Variants in SSH1 observed in about 807,000 individuals in gnomAD.
The protein encoded by SSH1 is protein phosphatase Slingshot homolog 1.
A neutral mutation model predicts 79.7 loss-of-function variants in SSH1; 43 were observed. The ratio of observed to expected loss-of-function variants is 0.54; its 90% CI spans 0.42 to 0.70. SSH1 has a LOEUF of 0.70. Ranked by LOEUF, SSH1 falls within the 30% of genes least tolerant of loss-of-function variation. The pLI is 0.00. For missense variants in SSH1, 1,206 were observed against 1,358.8 expected, an observed-to-expected ratio of 0.89 and a Z score of 1.77; for synonymous variants, 599 against 538.3, an observed-to-expected ratio of 1.11 and a Z score of -1.56.
intron 8 of SSH1, among the ~76,000 whole-genome samples, chr12:108,806,773 C>T (rs748321354): frequency 6.6e-5 from 10 of 152,228 alleles, no homozygotes; most frequent in Non-Finnish European, 1.3e-4. Flanking sequence ...GGCCCAGCTG[C>T]AGCAGATCCC....
chr12:108,826,411 A>C (rs945534800), intron 2 of SSH1: 3 of 293,058 alleles, frequency 1.0e-5, no homozygotes, highest in Non-Finnish European at 2.0e-5. Flanking sequence ...TTACTGTAAA[A>C]AGCAAGACTG....
At chr12:108,831,804 T>C (rs2038480499) in intron 2 of SSH1, among the ~76,000 whole-genome samples, 1 of 152,220 alleles carries the variant, frequency 6.6e-6, no homozygotes, top group East Asian at 1.9e-4. Flanking sequence ...AATTGTGCTT[T>C]ATATATCAGT....
intron 6 of SSH1, 116 bp from the exon 7 acceptor site, chr12:108,809,874 A>C: frequency 1.4e-5 from 12 of 857,412 alleles, no homozygotes; most frequent in East Asian, 2.4e-5. Context: ...AGCACATCTC[A>C]GGCCACATGA....
intron 2 of SSH1, among the ~76,000 whole-genome samples, chr12:108,834,545 A>G (rs938823049): frequency 6.6e-6 from 1 of 151,950 alleles, no homozygotes; most frequent in Admixed American, 6.6e-5. Context: ...GGGATGCTGA[A>G]CTCTTTGAAT....
chr12:108,811,721 G>A lies in SSH1; in HGVS notation c.402-393C>T, dbSNP rs868640761. The A allele has an allele frequency of 1.3e-4, 43 of 331,366 alleles. No homozygotes were observed. The Middle Eastern group carries it at 6.2e-3, about 48-fold the overall frequency. The allele number at this position is 331,366 out of a possible 1,614,324, so 20.5% of individuals were successfully genotyped here. A position where few individuals can be genotyped will look rare whatever the true frequency, so the allele number is the denominator to read the frequency against. On this transcript the variant is annotated intron_variant, in intron 5 of 14. Transcript: ENST00000326495. ...GGAGCGTGCTCACACCGTTCCCGGA[G>A]CTCACTTTCAGACCTGTGCACCTGC... is the stretch of plus-strand genomic sequence containing the variant.
chr12:108,850,014 G>A (rs1229520324), intron 2 of SSH1, among the ~76,000 whole-genome samples: 16 of 826 alleles, frequency 0.019, 1 homozygote, highest in African/African-American at 0.11. Flanking sequence ...TGGGGGAGGG[G>A]AGATGGGGAG....
At position 108,792,011 on chromosome 12, in the gene SSH1, G is replaced by A. The variant is rs2036523019; in HGVS notation, c.1893+275C>T. ...GCCCAGGGTATGAATAAGGTACATG[G>A]GGTGAAGATGGTGTGCAGAGATATG... On this transcript the variant is annotated intron_variant, in intron 14 of 14. Transcript: ENST00000326495. 4 of 1,403,990 alleles carry A rather than the reference G, an allele frequency of 2.8e-6. No homozygotes were observed. In the East Asian group the frequency reaches 1.0e-4, roughly 36 times the overall value. The allele number at this position is 1,403,990 out of a possible 1,614,324, so 87.0% of individuals were successfully genotyped here.
chr12:108,828,415 G>C (rs1348647289), intron 2 of SSH1, among the ~76,000 whole-genome samples: 5 of 152,166 alleles, frequency 3.3e-5, no homozygotes, highest in Non-Finnish European at 7.3e-5. Flanking sequence ...TTAAGCAGCT[G>C]TTCTACTCAT....
intron 2 of SSH1, chr12:108,825,973 G>T: frequency 5.3e-6 from 2 of 376,924 alleles, no homozygotes; most frequent in Non-Finnish European, 1.0e-5. Context: ...ATCTGAAACA[G>T]CTATGCGAGA....
chr12:108,795,731 G>A (rs953516896), intron 13 of SSH1, among the ~76,000 whole-genome samples: 19 of 151,998 alleles, frequency 1.3e-4, no homozygotes, highest in South Asian at 2.1e-4. Context: ...ATTGTGGTGC[G>A]CACCTGTAGT....
In SSH1 at chr12:108,799,083, A is replaced by G. The variant is rs757492437; in HGVS notation, c.1266T>C (p.Tyr422=). The change falls in exon 13 of 15, where the codon TAT becomes TAC. Residue 422 remains tyrosine, a synonymous_variant. Transcript: ENST00000326495. ...GCGTGATGCTGCGCTTCTGCTTTAC[A>G]TAGTTATATGCTTTTTCCAGAGGCC... ...FGWPLEKAYN[Y]VKQKRSITRP... is the part of the protein sequence containing the mutation. 8 of 1,614,170 alleles carry G rather than the reference A, an allele frequency of 5.0e-6. No homozygotes were observed. In the Admixed American group the frequency reaches 1.3e-4, roughly 27 times the overall value.
intron 13 of SSH1, among the ~76,000 whole-genome samples, chr12:108,794,897 A>G (rs1215188332): frequency 6.6e-6 from 1 of 152,178 alleles, no homozygotes; most frequent in Non-Finnish European, 1.5e-5. Context: ...GACAGAACTC[A>G]AAGTCATCCC....
rs776016211 is a variant in SSH1, at chr12:108,806,440, T to C, written c.732-46A>G. The C allele has an allele frequency of 8.2e-6, 13 of 1,582,190 alleles. No individual in the cohort carries two copies. The Admixed American group carries it at 1.2e-4, about 14-fold the overall frequency. Reference sequence around the variant, plus strand: ...GGAGAGCAAGGAGCTGTAGAAAGCTTGTGGTCGGAGGTTACAGGAATGCCA... The same window carrying C: ...GGAGAGCAAGGAGCTGTAGAAAGCTCGTGGTCGGAGGTTACAGGAATGCCA... On this transcript the variant is annotated intron_variant, in intron 8 of 14. Coordinates refer to ENST00000326495, the MANE Select transcript of SSH1 (RefSeq NM_018984.4).
chr12:108,827,100 G>A (rs1178081001), intron 2 of SSH1, among the ~76,000 whole-genome samples: 2 of 151,774 alleles, frequency 1.3e-5, no homozygotes, highest in South Asian at 2.1e-4. Context: ...ACTGCCATTC[G>A]GGAAGCTTCA....
At chr12:108,852,586 C>T in intron 2 of SSH1, 52 bp downstream of exon 2, 2 of 1,608,880 alleles carry the variant, frequency 1.2e-6, no homozygotes, top group East Asian at 2.2e-5. Context: ...CAAGAGCATT[C>T]CTTACCTGCT....
chr12:108,778,482 C>A lies in SSH1; in HGVS notation c.*9506G>T, dbSNP rs1469354624. 4 of 152,226 alleles carry A rather than the reference C, an allele frequency of 2.6e-5. No homozygotes were observed. Among genetic ancestry groups the A allele is most frequent in the African/African-American group, 4.8e-5 (2 of 41,456 alleles). The allele number at this position is 152,226 out of a possible 1,614,324, so 9.4% of individuals were successfully genotyped here. ...TGTGTCCCTGACCCACGTTACCTAA[C>A]CTCTCTGAGCATCCACTGCTTCCTC... is the stretch of plus-strand genomic sequence containing the variant. On this transcript the variant is annotated 3_prime_UTR_variant, in exon 15 of 15. Coordinates refer to ENST00000326495, the MANE Select transcript of SSH1 (RefSeq NM_018984.4).
rs2036280671 is a variant in SSH1 at position 108,786,569 on chromosome 12, T to C, written c.*1419A>G. On this transcript the variant is annotated 3_prime_UTR_variant, in exon 15 of 15. Transcript: ENST00000326495. ...TTCTGTCACATATTATTTCTTTTTT[T>C]TACAACTCCTTAAAAAGGTAAAAGC... 1 of 152,212 alleles carries C rather than the reference T, an allele frequency of 6.6e-6. No homozygotes were observed. The highest frequency in any genetic ancestry group is 6.5e-5 in the Admixed American group (1 of 15,276). 9.4% of individuals were successfully genotyped at this position (152,212 alleles called of 1,614,324 possible).
At chr12:108,818,556 T>G (rs1260849738) in intron 3 of SSH1, among the ~76,000 whole-genome samples, 1 of 152,226 alleles carries the variant, frequency 6.6e-6, no homozygotes, top group East Asian at 1.9e-4. Context: ...TTGCTCTTAT[T>G]TCCTGAAATA....
chr12:108,830,509 C>A (rs1391322252), intron 2 of SSH1, among the ~76,000 whole-genome samples: 1 of 152,094 alleles, frequency 6.6e-6, no homozygotes, highest in Non-Finnish European at 1.5e-5. Flanking sequence ...AGAAAACAGT[C>A]TTCTCCATGG....
Sources: gnomAD v4.1 joint callset for allele counts (sites outside exome capture counted in the v4.1 genomes callset) on GRCh38, gnomAD v4.1.1 for gene constraint, MANE v1.5 for transcripts, NCBI Gene and HGNC (gene_info 2026-07-23, HGNC 2026-07-21) for gene names.